HTR2C: variants seen among roughly 807,000 people sequenced by gnomAD.
The protein encoded by HTR2C is 5-hydroxytryptamine receptor 2C, also known as 5-hydroxytryptamine (serotonin) receptor 2C, G protein-coupled.
HTR2C carries 5 observed loss-of-function variants against 21.0 expected under a neutral mutation model. That is an observed-to-expected ratio of 0.24 (90% CI 0.12 to 0.50). HTR2C has a LOEUF of 0.50. HTR2C is among the 20% of genes least tolerant of loss of function. The probability of loss-of-function intolerance (pLI) is 0.98; values close to 1 mark genes in which losing one functional copy is unlikely to be tolerated. For synonymous variants in HTR2C, 150 were observed against 145.3 expected (o/e 1.03, Z -0.23); for missense variants, 271 against 371.2 (o/e 0.73, Z 2.22).
chrX:114,830,531 G>A (rs995456218), intron 4 of HTR2C, among the ~76,000 whole-genome samples: 1 of 111,133 alleles, frequency 9.0e-6, no homozygotes, highest in Non-Finnish European at 1.9e-5. Flanking sequence ...GAGATAGGAT[G>A]AAATGTGCTT....
At chrX:114,906,028 G>A (rs950131922) in intron 5 of HTR2C, among the ~76,000 whole-genome samples, 2 of 111,741 alleles carry the variant, frequency 1.8e-5, no homozygotes, top group Non-Finnish European at 3.8e-5. Flanking sequence ...TTGCTAAAAA[G>A]AGAATCTTTT....
intron 2 of HTR2C, among the ~76,000 whole-genome samples, chrX:114,713,497 A>G (rs1007909955): frequency 1.8e-5 from 2 of 111,317 alleles, no homozygotes; most frequent in African/African-American, 6.5e-5. Flanking sequence ...TTATAGAACA[A>G]GTCTGTGTGA....
At chrX:114,603,780 GT>G in intron 1 of HTR2C, among the ~76,000 whole-genome samples, 1 of 66,708 alleles carries the variant, frequency 1.5e-5, no homozygotes, top group Non-Finnish European at 2.7e-5. Context: ...AAGAAAGCAT[GT>G]TTGAGATCCA....
chrX:114,689,307 G>A (rs914706411), intron 2 of HTR2C, among the ~76,000 whole-genome samples: 7 of 105,059 alleles, frequency 6.7e-5, no homozygotes, highest in Non-Finnish European at 1.2e-4. Context: ...AAATTGTGCT[G>A]CTATAAACAT....
At chrX:114,868,255 G>C (rs1227270616) in intron 5 of HTR2C, among the ~76,000 whole-genome samples, 1 of 110,166 alleles carries the variant, frequency 9.1e-6, no homozygotes, top group Non-Finnish European at 1.9e-5. Flanking sequence ...TTTATGTGTG[G>C]CTATTTTTTA....
At chrX:114,652,603 A>T in intron 2 of HTR2C, 1 of 353,011 alleles carries the variant, frequency 2.8e-6, no homozygotes. Flanking sequence ...GTTTTAAAGA[A>T]AATATCATAA....
At chrX:114,635,003 CTATA>C (rs1929785981) in intron 2 of HTR2C, among the ~76,000 whole-genome samples, 1 of 111,684 alleles carries the variant, frequency 9.0e-6, no homozygotes, top group African/African-American at 3.3e-5. Flanking sequence ...ATTAGGGTGA[CTATA>C]TATTCTACTT....
At chrX:114,792,779 A>G (rs892570214) in intron 4 of HTR2C, among the ~76,000 whole-genome samples, 2 of 111,467 alleles carry the variant, frequency 1.8e-5, no homozygotes, top group African/African-American at 6.5e-5. Context: ...ACCAGCATCT[A>G]CTGTTTCTTA....
chrX:114,790,170 T>C (rs1275949815), intron 4 of HTR2C, among the ~76,000 whole-genome samples: 1 of 111,966 alleles, frequency 8.9e-6, no homozygotes, highest in East Asian at 2.8e-4. Flanking sequence ...TAAAAATATC[T>C]GTATGGTACA....
chrX:114,811,639 G>A (rs2070532932), intron 4 of HTR2C, among the ~76,000 whole-genome samples: 1 of 112,402 alleles, frequency 8.9e-6, no homozygotes, highest in Admixed American at 9.5e-5. Flanking sequence ...TGATAAACAT[G>A]TTACCATATT....
intron 4 of HTR2C, among the ~76,000 whole-genome samples, chrX:114,827,912 G>A (rs1556459109): frequency 9.1e-6 from 1 of 110,369 alleles, no homozygotes; most frequent in East Asian, 2.8e-4. Flanking sequence ...GTTTGATTAT[G>A]ATGATCTAGG....
intron 5 of HTR2C, among the ~76,000 whole-genome samples, chrX:114,899,413 G>A (rs1315722550): frequency 1.8e-5 from 2 of 111,061 alleles, no homozygotes; most frequent in Non-Finnish European, 3.8e-5. Flanking sequence ...GGGGATCCTG[G>A]GGTCAGAGTA....
At chrX:114,795,402 C>T (rs1385440769) in intron 4 of HTR2C, among the ~76,000 whole-genome samples, 1 of 110,813 alleles carries the variant, frequency 9.0e-6, no homozygotes. Context: ...GCTTTTGTTG[C>T]CATTGCTTTT....
chrX:114,703,469 A>C lies in HTR2C; in HGVS notation c.-79-23389A>C, dbSNP rs782095211. Among the ~76,000 whole-genome samples, 8 of 111,149 alleles carry C rather than the reference A, an allele frequency of 7.2e-5. No individual in the cohort carries two copies. In the East Asian group the frequency reaches 2.3e-3, roughly 32 times the overall value. On this transcript the variant is annotated intron_variant, in intron 2 of 5. Coordinates refer to ENST00000276198, the MANE Select transcript of HTR2C (RefSeq NM_000868.4). ...CTGCTCCTGAATGACTACTGGGTAC[A>C]TAAGGAAATGAAGGCAGACATAAAG...
chrX:114,626,895 G>A (rs986125040), intron 2 of HTR2C, among the ~76,000 whole-genome samples: 1 of 111,930 alleles, frequency 8.9e-6, no homozygotes. Flanking sequence ...CCTCTATAAA[G>A]CCTTAAGTGG....
At chrX:114,830,681 G>A (rs1602850150) in intron 4 of HTR2C, among the ~76,000 whole-genome samples, 1 of 105,125 alleles carries the variant, frequency 9.5e-6, no homozygotes, top group Non-Finnish European at 2.0e-5. Context: ...TTTTTTTATG[G>A]AGAGTGCTGT....
At position 114,805,922 on chromosome X, in the gene HTR2C, TATAC is replaced by T. The variant is rs1411509475; in HGVS notation, c.350-42079_350-42076del. Among the ~76,000 whole-genome samples, 117 of 78,844 alleles carry T rather than the reference TATAC, an allele frequency of 1.5e-3. 5 individuals are homozygous for T. The highest frequency in any genetic ancestry group is 0.011 in the East Asian group (24 of 2,263). 68.5% of individuals were successfully genotyped at this position (78,844 alleles called of 115,157 possible). On this transcript the variant is annotated intron_variant, in intron 4 of 5. Coordinates refer to ENST00000276198, the MANE Select transcript of HTR2C (RefSeq NM_000868.4). ...ATACATCATATATATACCATATATA[TATAC>T]ACCATATATATACCATATATATATA...
rs781946845 is a variant in HTR2C at position 114,795,525 on chromosome X, T to G, written c.350-52478T>G. The stretch of plus-strand genomic sequence containing the variant: ...CTAACATTTAAGTCTTTAATCTATC[T>G]TGAATTAATTTTTGTATAAGGTGTA... On this transcript the variant is annotated intron_variant, in intron 4 of 5. Transcript: ENST00000276198. 5.4e-5 allele frequency among the ~76,000 whole-genome samples: 6 copies of G among 111,888 alleles called. No individual in the cohort carries two copies. In the East Asian group the frequency reaches 8.5e-4, roughly 16 times the overall value.
chrX:114,734,231 GAAGA>G (rs2069565665), intron 4 of HTR2C, among the ~76,000 whole-genome samples: 1 of 110,779 alleles, frequency 9.0e-6, no homozygotes, highest in African/African-American at 3.3e-5. Context: ...AAGATGAGAC[GAAGA>G]AAGAAGTAAA....
Sources: allele counts gnomAD v4.1 joint callset (sites outside exome capture counted in the v4.1 genomes callset), GRCh38; gene constraint gnomAD v4.1.1; transcripts MANE v1.5; gene names NCBI Gene and HGNC (gene_info 2026-07-23, HGNC 2026-07-21).